Variants in TRAF3IP1 observed in about 807,000 individuals in gnomAD.
The protein encoded by TRAF3IP1 is TRAF3-interacting protein 1.
TRAF3IP1 carries 53 observed loss-of-function variants against 89.9 expected under a neutral mutation model. The ratio of observed to expected loss-of-function variants is 0.59; its 90% CI spans 0.47 to 0.74. The LOEUF (loss-of-function observed/expected upper bound fraction) is 0.74. Among genes scored for constraint, TRAF3IP1 ranks in the 30% least tolerant of loss-of-function variants. The pLI, the probability that TRAF3IP1 is intolerant of heterozygous loss-of-function variation, is 0.00. For synonymous variants in TRAF3IP1, 311 were observed against 322.1 expected, an observed-to-expected ratio of 0.97 and a Z score of 0.37; for missense variants, 806 against 866.1, an observed-to-expected ratio of 0.93 and a Z score of 0.87.
chr2:238,367,186 A>AAAAG (rs1559381320), intron 15 of TRAF3IP1, among the ~76,000 whole-genome samples: 6 of 150,116 alleles, frequency 4.0e-5, no homozygotes, highest in South Asian at 2.1e-4. Context: ...AAAAAAAAAA[A>AAAAG]AAAGAAAATT....
chr2:238,347,543 A>C, intron 10 of TRAF3IP1, 68 bp downstream of exon 10: 1 of 1,506,958 alleles, frequency 6.6e-7, no homozygotes, highest in South Asian at 1.1e-5. Context: ...GTGAATGTGG[A>C]CTCTCAGATT....
chr2:238,360,042 A>G (rs971349829), intron 15 of TRAF3IP1, among the ~76,000 whole-genome samples: 1 of 152,210 alleles, frequency 6.6e-6, no homozygotes, highest in Non-Finnish European at 1.5e-5. Flanking sequence ...TGAGAGGGCT[A>G]CTAAGTGACT....
At chr2:238,391,255 C>A (rs1322613722) in intron 15 of TRAF3IP1, among the ~76,000 whole-genome samples, 3 of 152,208 alleles carry the variant, frequency 2.0e-5, no homozygotes, top group Non-Finnish European at 4.4e-5. Flanking sequence ...ACACACCCAG[C>A]CATGACAGAT....
intron 15 of TRAF3IP1, among the ~76,000 whole-genome samples, chr2:238,385,351 AT>A (rs1700726382): frequency 1.3e-5 from 2 of 152,204 alleles, no homozygotes; most frequent in Admixed American, 1.3e-4. Flanking sequence ...CTTACCTTAC[AT>A]TTAACCAAGA....
chr2:238,322,687 C>CAAAAAAAAAAAA (rs71043130), intron 1 of TRAF3IP1, among the ~76,000 whole-genome samples: 1 of 43,586 alleles, frequency 2.3e-5, no homozygotes, highest in South Asian at 1.7e-3. Context: ...GACCCTGTCT[C>CAAAAAAAAAAAA]AAAAAAAAAA....
intron 15 of TRAF3IP1, among the ~76,000 whole-genome samples, chr2:238,390,427 A>G (rs979505028): frequency 6.6e-6 from 1 of 152,232 alleles, no homozygotes; most frequent in African/African-American, 2.4e-5. Flanking sequence ...TTACATTTTA[A>G]TGAAAGAACT....
intron 1 of TRAF3IP1, among the ~76,000 whole-genome samples, chr2:238,323,301 A>G (rs1363637094): frequency 1.3e-5 from 2 of 151,818 alleles, no homozygotes; most frequent in Non-Finnish European, 2.9e-5. Context: ...CTGATCTCGA[A>G]CTCCTGACCT....
chr2:238,352,601 G>C (rs948930650), intron 12 of TRAF3IP1, among the ~76,000 whole-genome samples: 2 of 152,068 alleles, frequency 1.3e-5, no homozygotes, highest in Non-Finnish European at 2.9e-5. Context: ...TGGGGAAGCT[G>C]GGTGGGGGTG....
At position 238,379,662 on chromosome 2, in the gene TRAF3IP1, C is replaced by T. The variant is rs533083519; in HGVS notation, c.1690-17797C>T. Among the ~76,000 whole-genome samples the T allele has an allele frequency of 1.6e-4, 24 of 152,198 alleles. No individual in the cohort carries two copies. Among genetic ancestry groups the T allele is most frequent in the Non-Finnish European group, 3.4e-4 (23 of 68,042 alleles). Reference sequence around the variant, plus strand: ...CAGGTTTAGACGGTGGTTTCCTCCCCCGCTCACATGCCAGCCATTCAGTTC... The same window carrying T: ...CAGGTTTAGACGGTGGTTTCCTCCCTCGCTCACATGCCAGCCATTCAGTTC... On this transcript the variant is annotated intron_variant, in intron 15 of 16. Transcript: ENST00000373327. The surrounding 1 kb of genome is among the most constrained non-coding windows in gnomAD (Gnocchi z 4.0).
intron 8 of TRAF3IP1, among the ~76,000 whole-genome samples, chr2:238,343,646 CTTTTTTTTTT>C (rs34626636): frequency 2.6e-5 from 3 of 113,464 alleles, no homozygotes; most frequent in Admixed American, 1.9e-4. Context: ...TGTGCTTGGC[CTTTTTTTTTT>C]TTTTTTTTTT....
intron 8 of TRAF3IP1, among the ~76,000 whole-genome samples, chr2:238,340,852 G>GAC (rs1698616120): frequency 1.2e-5 from 1 of 83,314 alleles, no homozygotes; most frequent in Non-Finnish European, 2.6e-5. Context: ...TATATAGAGA[G>GAC]AGAGAGACAG....
chr2:238,382,730 C>T (rs1414999091), intron 15 of TRAF3IP1, among the ~76,000 whole-genome samples: 1 of 152,052 alleles, frequency 6.6e-6, no homozygotes, highest in Non-Finnish European at 1.5e-5. Context: ...CACTGTCCCC[C>T]AAGTTGCTCA....
chr2:238,334,178 TAATG>T (rs1698271424), intron 7 of TRAF3IP1, 143 bp downstream of exon 7: 2 of 675,976 alleles, frequency 3.0e-6, no homozygotes, highest in Non-Finnish European at 5.1e-6. Context: ...CGTGTGGAAA[TAATG>T]AAGATTTGTG....
chr2:238,364,337 G>A (rs1045292694), intron 15 of TRAF3IP1, among the ~76,000 whole-genome samples: 5 of 151,740 alleles, frequency 3.3e-5, no homozygotes, highest in Admixed American at 6.5e-5. Flanking sequence ...TCATTATCCT[G>A]ACTTTTTTGC....
At chr2:238,383,735 A>G (rs1700642840) in intron 15 of TRAF3IP1, among the ~76,000 whole-genome samples, 1 of 152,142 alleles carries the variant, frequency 6.6e-6, no homozygotes, top group African/African-American at 2.4e-5. Context: ...TTGATTTTGG[A>G]TTCCTTGCTA....
intron 5 of TRAF3IP1, among the ~76,000 whole-genome samples, chr2:238,330,431 A>G (rs1698064018): frequency 6.6e-6 from 1 of 152,162 alleles, no homozygotes; most frequent in Admixed American, 6.5e-5. Context: ...GGGGATGTCA[A>G]ATTGTAAAGC....
At chr2:238,387,807 A>G (rs1357914858) in intron 15 of TRAF3IP1, among the ~76,000 whole-genome samples, 2 of 152,264 alleles carry the variant, frequency 1.3e-5, no homozygotes, top group African/African-American at 4.8e-5. Context: ...GAGGCTGGGC[A>G]TGATGGCTCA....
intron 3 of TRAF3IP1, among the ~76,000 whole-genome samples, chr2:238,328,467 C>T (rs769736255): frequency 6.6e-6 from 1 of 152,144 alleles, no homozygotes; most frequent in Non-Finnish European, 1.5e-5. Context: ...CTTGGGTGGA[C>T]GCTACTGTTA....
chr2:238,358,344 C>G (rs1699514309), intron 15 of TRAF3IP1, among the ~76,000 whole-genome samples: 1 of 152,164 alleles, frequency 6.6e-6, no homozygotes, highest in Admixed American at 6.5e-5. Context: ...TGAGATCATC[C>G]TGGCCAACAT....
Sources: allele counts gnomAD v4.1 joint callset (sites outside exome capture counted in the v4.1 genomes callset), GRCh38; gene constraint gnomAD v4.1.1; non-coding constraint Gnocchi (gnomAD v3.1); transcripts MANE v1.5; gene names NCBI Gene and HGNC (gene_info 2026-07-23, HGNC 2026-07-21).